The following PPP1R16B variants were observed in gnomAD, a reference collection of about 807,000 sequenced individuals.
PPP1R16B encodes the protein protein phosphatase 1 regulatory subunit 16B.
In PPP1R16B, 14 loss-of-function variants were observed where a neutral mutation model predicts 61.7. The ratio of observed to expected loss-of-function variants is 0.23; its 90% CI spans 0.15 to 0.35. The LOEUF is 0.35. PPP1R16B is among the 10% of genes least tolerant of loss of function. The pLI is 1.00. For synonymous variants in PPP1R16B, 266 were observed against 305.3 expected, an observed-to-expected ratio of 0.87 and a Z score of 1.34; for missense variants, 547 against 752.5, an observed-to-expected ratio of 0.73 and a Z score of 3.19.
rs1334097975 is a variant in PPP1R16B, at chr20:38,919,323, TG to T, written c.*658del. On this transcript the variant is annotated 3_prime_UTR_variant, in exon 11 of 11. Transcript: ENST00000299824. Reference sequence around the variant, plus strand: ...TGGGTAGATGAGATAGACACAGACCTGCTCCCCGCAGCCTTGTTGAGAGCCA... The same window carrying T: ...TGGGTAGATGAGATAGACACAGACCTCTCCCCGCAGCCTTGTTGAGAGCCA... The T allele has an allele frequency of 6.6e-6, 1 of 152,436 alleles. No individual in the cohort carries two copies. Among genetic ancestry groups the T allele is most frequent in the African/African-American group, 2.4e-5 (1 of 41,446 alleles). 9.4% of individuals were successfully genotyped at this position (152,436 alleles called of 1,614,324 possible).
intron 1 of PPP1R16B, among the ~76,000 whole-genome samples, chr20:38,812,787 A>G (rs1223003365): frequency 1.3e-5 from 2 of 152,092 alleles, no homozygotes; most frequent in Non-Finnish European, 2.9e-5. Context: ...TTTGAAGGAG[A>G]AGACTGGCCC....
At chr20:38,890,363 G>A (rs1158293239) in intron 3 of PPP1R16B, among the ~76,000 whole-genome samples, 5 of 152,228 alleles carry the variant, frequency 3.3e-5, no homozygotes, top group Non-Finnish European at 7.3e-5. Context: ...AAGGCTGCAC[G>A]AGGCTGGGCT....
intron 2 of PPP1R16B, among the ~76,000 whole-genome samples, chr20:38,884,785 G>A (rs1402207944): frequency 1.3e-5 from 2 of 151,038 alleles, no homozygotes; most frequent in African/African-American, 4.9e-5. Flanking sequence ...AAAAAAGAAG[G>A]CGGCGGACAG....
Position 38,894,598 on chromosome 20 carries a change from A to G in PPP1R16B, c.322-967A>G, listed in dbSNP as rs569656990. 9.8e-5 allele frequency among the ~76,000 whole-genome samples: 15 copies of G among 152,298 alleles called. No homozygotes were observed. In the East Asian group the frequency reaches 2.7e-3, roughly 27 times the overall value. On this transcript the variant is annotated intron_variant, in intron 3 of 10. Transcript: ENST00000299824. Reference sequence around the variant, plus strand: ...CCATTGCACTGATGACCAAGCCCCAAGCCCTTATCTGGGTGGGCAGGGCTG... The same window carrying G: ...CCATTGCACTGATGACCAAGCCCCAGGCCCTTATCTGGGTGGGCAGGGCTG...
At chr20:38,835,795 T>G in intron 1 of PPP1R16B, 30 bp from the exon 2 acceptor site, 2 of 1,095,204 alleles carry the variant, frequency 1.8e-6, no homozygotes, top group Non-Finnish European at 2.5e-6. Flanking sequence ...CTGACACATG[T>G]GTTCATCTGT....
intron 4 of PPP1R16B, among the ~76,000 whole-genome samples, chr20:38,896,479 G>A (rs1432263625): frequency 6.6e-6 from 1 of 151,064 alleles, no homozygotes; most frequent in Non-Finnish European, 1.5e-5. Context: ...CTGTGTGCCT[G>A]TTCTGCTCTT....
At position 38,918,068 on chromosome 20, in the gene PPP1R16B, C is replaced by T; in HGVS notation, c.1195-89C>T. The T allele has an allele frequency of 6.6e-7, 1 of 1,508,876 alleles. No homozygotes were observed. 93.5% of individuals were successfully genotyped at this position (1,508,876 alleles called of 1,614,324 possible). ...GAGAGAAAACAGATAGAGGAAAAGT[C>T]CAAACAATAATGCCCTCAGCAGAGA... On this transcript the variant is annotated intron_variant, in intron 10 of 10. Coordinates refer to ENST00000299824, the MANE Select transcript of PPP1R16B (RefSeq NM_015568.4). The surrounding 1 kb of genome is among the most constrained non-coding windows in gnomAD (Gnocchi z 5.3).
intron 2 of PPP1R16B, among the ~76,000 whole-genome samples, chr20:38,840,717 C>T (rs1229726805): frequency 6.6e-6 from 1 of 152,196 alleles, no homozygotes; most frequent in Non-Finnish European, 1.5e-5. Flanking sequence ...AGTGTCATGG[C>T]TAGGAGCACA....
chr20:38,859,175 G>A (rs1349586837), intron 2 of PPP1R16B, among the ~76,000 whole-genome samples: 1 of 152,178 alleles, frequency 6.6e-6, no homozygotes, highest in Non-Finnish European at 1.5e-5. Flanking sequence ...TGCCATGGGA[G>A]GCTACCTGCT....
chr20:38,906,093 A>G lies in PPP1R16B; in HGVS notation c.821A>G (p.Gln274Arg). Residue 274 changes from glutamine to arginine, a missense_variant and splice_region_variant, in exon 7 of 11, where the codon CAG (glutamine) becomes CGG (arginine). Transcript: ENST00000299824. ...EPLHAAAFWG[Q>R]MQMAELLVSH... is the part of the protein sequence containing the mutation. ...CTGCATGCAGCTGCCTTCTGGGGACAGGTAGTTCTCACCCACAGGGCTGTG... is the reference window on the plus strand; with the variant it reads ...CTGCATGCAGCTGCCTTCTGGGGACGGGTAGTTCTCACCCACAGGGCTGTG... 1.2e-6 allele frequency: 2 copies of G among 1,612,398 alleles called. No homozygotes were observed. The highest frequency in any genetic ancestry group is 1.7e-6 in the Non-Finnish European group (2 of 1,179,738).
At chr20:38,855,573 T>C (rs1041458815) in intron 2 of PPP1R16B, among the ~76,000 whole-genome samples, 3 of 152,034 alleles carry the variant, frequency 2.0e-5, no homozygotes, top group African/African-American at 7.2e-5. Context: ...TGAGATTCCT[T>C]ATGATTTAAT....
rs34606326 is a variant in PPP1R16B at position 38,888,400 on chromosome 20, C to T, written c.251-1195C>T. Among the ~76,000 whole-genome samples the T allele has an allele frequency of 2.7e-3, 416 of 152,362 alleles. 3 individuals carry two copies. The highest frequency in any genetic ancestry group is 3.4e-3 in the Non-Finnish European group (228 of 68,032). The stretch of plus-strand genomic sequence containing the variant: ...CCACAAACAGCCACCCTCTGTTCAC[C>T]ACTCTGGCCTAGAGGTCCGCTTGCC... On this transcript the variant is annotated intron_variant, in intron 2 of 10. Coordinates refer to ENST00000299824, the MANE Select transcript of PPP1R16B (RefSeq NM_015568.4).
chr20:38,813,728 C>T (rs539072190), intron 1 of PPP1R16B, among the ~76,000 whole-genome samples: 107 of 151,162 alleles, frequency 7.1e-4, no homozygotes, highest in Non-Finnish European at 1.3e-3. Context: ...CTCCTTTAGT[C>T]CTCCTAACAA....
intron 2 of PPP1R16B, among the ~76,000 whole-genome samples, chr20:38,848,619 C>T (rs1245166030): frequency 6.6e-6 from 1 of 152,054 alleles, no homozygotes; most frequent in East Asian, 1.9e-4. Flanking sequence ...TCAAGTTTTC[C>T]CTCCAAACCT....
At chr20:38,916,246 T>C (rs938758490) in intron 10 of PPP1R16B, among the ~76,000 whole-genome samples, 2 of 149,568 alleles carry the variant, frequency 1.3e-5, no homozygotes, top group Admixed American at 1.3e-4. Flanking sequence ...GGAAACTTAC[T>C]ATGGAAAGTG....
chr20:38,870,272 G>T (rs62201372), intron 2 of PPP1R16B, among the ~76,000 whole-genome samples: 1 of 152,148 alleles, frequency 6.6e-6, no homozygotes, highest in East Asian at 1.9e-4. Context: ...CCTGTGGTGT[G>T]CCAGGACTCA....
intron 2 of PPP1R16B, among the ~76,000 whole-genome samples, chr20:38,856,373 G>A (rs987769122): frequency 2.6e-5 from 4 of 152,160 alleles, no homozygotes; most frequent in Admixed American, 1.3e-4. Flanking sequence ...CTTAGGTCTT[G>A]CTGCTGAGAA....
In PPP1R16B at chr20:38,906,950, G is replaced by T. The variant is rs747453023; in HGVS notation, c.823-29G>T. On this transcript the variant is annotated intron_variant, in intron 7 of 10. Transcript: ENST00000299824. The stretch of plus-strand genomic sequence containing the variant: ...TAGGCTTTCTGAGCTCTGGGCAGGG[G>T]GACACATGAGCTTCTTCCTGTGTTT... 11 of 1,593,984 alleles carry T rather than the reference G, an allele frequency of 6.9e-6. No homozygotes were observed. In the South Asian group the frequency reaches 1.2e-4, roughly 18 times the overall value.
chr20:38,859,523 G>A (rs1274761049), intron 2 of PPP1R16B, among the ~76,000 whole-genome samples: 1 of 152,224 alleles, frequency 6.6e-6, no homozygotes, highest in Non-Finnish European at 1.5e-5. Flanking sequence ...CCAGGTTCTT[G>A]CTCTGTTGCC....
Sources: gnomAD v4.1 joint callset for allele counts (sites outside exome capture counted in the v4.1 genomes callset) on GRCh38, gnomAD v4.1.1 for gene constraint, Gnocchi (gnomAD v3.1) non-coding constraint, MANE v1.5 for transcripts, NCBI Gene and HGNC (gene_info 2026-07-23, HGNC 2026-07-21) for gene names.